Variants in BDP1 observed in about 807,000 individuals in gnomAD.
The protein encoded by BDP1 is transcription factor TFIIIB component B'' homolog.
Under a neutral mutation model 266.6 loss-of-function variants are expected in BDP1, and 169 were observed. The observed-to-expected ratio is 0.63, with a 90% CI of 0.56 to 0.72. The LOEUF (loss-of-function observed/expected upper bound fraction) is 0.72, where lower values mean the gene tolerates loss of function less well. Ranked by LOEUF, BDP1 falls within the 30% of genes least tolerant of loss-of-function variation. The pLI is 0.00. For synonymous variants in BDP1, 1,090 were observed against 1,022.4 expected, an observed-to-expected ratio of 1.07 and a Z score of -1.26; for missense variants, 3,015 against 3,053.8, an observed-to-expected ratio of 0.99 and a Z score of 0.30.
At chr5:71,539,938 A>G (rs1766861623) in intron 28 of BDP1, among the ~76,000 whole-genome samples, 1 of 152,042 alleles carries the variant, frequency 6.6e-6, no homozygotes, top group African/African-American at 2.4e-5. Flanking sequence ...AGTGAATACT[A>G]CCTTTACCAT....
intron 7 of BDP1, among the ~76,000 whole-genome samples, chr5:71,481,391 GAAAAAAAA>G (rs58798987): frequency 2.5e-4 from 16 of 63,860 alleles, no homozygotes; most frequent in African/African-American, 8.1e-4. Flanking sequence ...TCTCTACAAA[GAAAAAAAA>G]AAAAAAAAAA....
At chr5:71,494,241 T>C (rs1258696600) in intron 11 of BDP1, among the ~76,000 whole-genome samples, 1 of 151,932 alleles carries the variant, frequency 6.6e-6, no homozygotes, top group Non-Finnish European at 1.5e-5. Flanking sequence ...GTAGAAAAAA[T>C]GAACAAGAAA....
chr5:71,519,311 A>T (rs994375079), intron 22 of BDP1, among the ~76,000 whole-genome samples: 1 of 152,180 alleles, frequency 6.6e-6, no homozygotes, highest in African/African-American at 2.4e-5. Context: ...TTTTATCTTT[A>T]TATTGGCAAC....
chr5:71,538,493 T>C (rs1484081081), intron 26 of BDP1, among the ~76,000 whole-genome samples: 1 of 152,216 alleles, frequency 6.6e-6, no homozygotes, highest in Non-Finnish European at 1.5e-5. Context: ...TATTTCTTCA[T>C]TTGCTTTTTG....
intron 36 of BDP1, among the ~76,000 whole-genome samples, chr5:71,558,921 A>G (rs1460606919): frequency 6.6e-6 from 1 of 152,158 alleles, no homozygotes; most frequent in Non-Finnish European, 1.5e-5. Context: ...TGGGTTGCCA[A>G]AGTTGGTGGG....
rs985942288 is a variant in BDP1, at chr5:71,522,584, C to T, written c.5193+94C>T. On this transcript the variant is annotated intron_variant, in intron 23 of 38. Coordinates refer to ENST00000358731, the MANE Select transcript of BDP1 (RefSeq NM_018429.3). ...GAGCATGAGTAAAATACAGTTTTGA[C>T]TTCTGTACTGTAACCATTTTCATGA... 2.4e-6 allele frequency: 3 copies of T among 1,228,786 alleles called. No individual in the cohort carries two copies. The African/African-American group carries it at 4.6e-5, about 19-fold the overall frequency. 76.1% of individuals were successfully genotyped at this position (1,228,786 alleles called of 1,614,324 possible).
intron 9 of BDP1, 52 bp downstream of exon 9, chr5:71,486,679 C>G (rs747304684): frequency 2.1e-6 from 3 of 1,400,970 alleles, no homozygotes; most frequent in Non-Finnish European, 1.9e-6. Context: ...AATAAACTTG[C>G]AATATTGTCC....
rs1054373004 is a variant in BDP1 at position 71,459,340 on chromosome 5, T to C, written c.489+485T>C. ...CAGCCTGGCCAACATGGCAAAACCCTGTCTCTACTAAAAATACAAAAATTA... is the reference window on the plus strand; with the variant it reads ...CAGCCTGGCCAACATGGCAAAACCCCGTCTCTACTAAAAATACAAAAATTA... On this transcript the variant is annotated intron_variant, in intron 2 of 38. Coordinates refer to ENST00000358731, the MANE Select transcript of BDP1 (RefSeq NM_018429.3). Among the ~76,000 whole-genome samples the C allele has an allele frequency of 7.2e-5, 11 of 152,052 alleles. 1 individual carries two copies. The highest frequency in any genetic ancestry group is 2.0e-4 in the Admixed American group (3 of 15,260).
At chr5:71,537,101 C>T (rs549972872) in intron 26 of BDP1, among the ~76,000 whole-genome samples, 1 of 142,694 alleles carries the variant, frequency 7.0e-6, no homozygotes, top group South Asian at 2.2e-4. Flanking sequence ...GCACTCCAGC[C>T]TAGGCAACAG....
At chr5:71,468,040 C>T (rs567825136) in intron 6 of BDP1, among the ~76,000 whole-genome samples, 11 of 152,116 alleles carry the variant, frequency 7.2e-5, no homozygotes, top group African/African-American at 2.4e-4. Context: ...TTTTTTGAGA[C>T]GGAGTTTCCC....
intron 27 of BDP1, 58 bp from the exon 28 acceptor site, chr5:71,539,499 A>T: frequency 7.3e-7 from 1 of 1,375,522 alleles, no homozygotes; most frequent in South Asian, 1.2e-5. Context: ...AATCTTTTTT[A>T]AGTGAACAGA....
At position 71,501,875 on chromosome 5, in the gene BDP1, T is replaced by A. The variant is rs953750256; in HGVS notation, c.2048+222T>A. Among the ~76,000 whole-genome samples, 13 of 152,252 alleles carry A rather than the reference T, an allele frequency of 8.5e-5. No individual in the cohort carries two copies. The East Asian group carries it at 2.3e-3, about 27-fold the overall frequency. ...AGTCTATTGAGTTAGCCATTACATTTGAATGTTTACAGTATATGCCCCTGG... is the reference window on the plus strand; with the variant it reads ...AGTCTATTGAGTTAGCCATTACATTAGAATGTTTACAGTATATGCCCCTGG... On this transcript the variant is annotated intron_variant, in intron 14 of 38. Coordinates refer to ENST00000358731, the MANE Select transcript of BDP1 (RefSeq NM_018429.3).
chr5:71,506,602 C>G (rs968433538), intron 16 of BDP1, among the ~76,000 whole-genome samples: 2 of 151,846 alleles, frequency 1.3e-5, no homozygotes, highest in Non-Finnish European at 2.9e-5. Context: ...CATAGCAAGA[C>G]CCATCTCTAT....
intron 7 of BDP1, among the ~76,000 whole-genome samples, chr5:71,477,617 A>ATGTTTTCTTTT (rs1554111685): frequency 9.7e-5 from 14 of 144,270 alleles, no homozygotes; most frequent in African/African-American, 3.6e-4. Context: ...GTTCAGACAA[A>ATGTTTTCTTTT]TTTTTTCTTT....
At chr5:71,525,966 G>C (rs1261474005) in intron 25 of BDP1, among the ~76,000 whole-genome samples, 3 of 151,968 alleles carry the variant, frequency 2.0e-5, no homozygotes, top group African/African-American at 7.2e-5. Flanking sequence ...TGGGCAGCCA[G>C]GCTGAGAGGC....
chr5:71,479,426 T>G (rs1196626109), intron 7 of BDP1, among the ~76,000 whole-genome samples: 3 of 152,204 alleles, frequency 2.0e-5, no homozygotes, highest in Admixed American at 2.0e-4. Context: ...TCGTGAAACA[T>G]CTCTATAATG....
chr5:71,516,021 C>A, intron 20 of BDP1, 40 bp from the exon 21 acceptor site: 1 of 1,439,360 alleles, frequency 6.9e-7, no homozygotes. Flanking sequence ...CAGCTTTTTA[C>A]AGTCAAGCGC....
intron 2 of BDP1, among the ~76,000 whole-genome samples, chr5:71,460,133 A>C (rs1350541017): frequency 6.6e-6 from 1 of 152,092 alleles, no homozygotes; most frequent in Non-Finnish European, 1.5e-5. Context: ...TAATCCCAGC[A>C]CTTTGGGAGG....
At chr5:71,480,644 G>A (rs1481431464) in intron 7 of BDP1, among the ~76,000 whole-genome samples, 2 of 150,698 alleles carry the variant, frequency 1.3e-5, no homozygotes, top group Non-Finnish European at 2.9e-5. Context: ...TCAGCTCACT[G>A]CAACCTCTGC....
Sources: allele counts gnomAD v4.1 joint callset (sites outside exome capture counted in the v4.1 genomes callset), GRCh38; gene constraint gnomAD v4.1.1; transcripts MANE v1.5; gene names NCBI Gene and HGNC (gene_info 2026-07-23, HGNC 2026-07-21).